The following AKR7A3 variants were observed in gnomAD, a reference collection of about 807,000 sequenced individuals.
The protein encoded by AKR7A3 is AFB1 aldehyde reductase 2.
A neutral mutation model predicts 32.5 loss-of-function variants in AKR7A3; 37 were observed. That is an observed-to-expected ratio of 1.14 (90% CI 0.88 to 1.50). The LOEUF (loss-of-function observed/expected upper bound fraction) is 1.50. Among genes scored for constraint, AKR7A3 ranks in the 40% most tolerant of loss-of-function variants. The pLI is 0.00. For missense variants in AKR7A3, 412 were observed against 453.2 expected, an observed-to-expected ratio of 0.91 and a Z score of 0.83; for synonymous variants, 177 against 188.4, an observed-to-expected ratio of 0.94 and a Z score of 0.50.
chr1:19,287,187 G>A (rs1323768816), intron 1 of AKR7A3, among the ~76,000 whole-genome samples: 1 of 151,328 alleles, frequency 6.6e-6, no homozygotes, highest in Non-Finnish European at 1.5e-5. Flanking sequence ...TACTGTAGTA[G>A]TCCCAGCTAC....
chr1:19,288,574 C>T lies in AKR7A3; in HGVS notation c.136G>A (p.Ala46Thr), dbSNP rs2093735341. Reference protein sequence around the residue: ...LERGHTEIDTAFVYSEGQSET... With the variant: ...LERGHTEIDTTFVYSEGQSET... ...GACTGGCCCTCGCTGTACACGAAGG[C>T]CGTGTCTATCTCGGTGTGGCCGCGC... Residue 46 changes from alanine to threonine, a missense_variant, in exon 1 of 7, where the codon GCC (alanine) becomes ACC (threonine). Transcript: ENST00000361640. 1.2e-6 allele frequency: 2 copies of T among 1,609,054 alleles called. No homozygotes were observed. The highest frequency in any genetic ancestry group is 8.5e-7 in the Non-Finnish European group (1 of 1,178,624).
At position 19,286,329 on chromosome 1, in the gene AKR7A3, CAGGG is replaced by C. The variant is rs530703277; in HGVS notation, c.254_257del (p.Ser85Ter). On this transcript the variant is annotated frameshift_variant, in exon 2 of 7. Transcript: ENST00000361640. LOFTEE classifies it high-confidence loss of function. ...GCTGGAACCGGAGACTGTCAGGCTT[CAGGG>C]AGTTCCCAAACAGTGGAATGGCCTT... 1.5e-5 allele frequency: 25 copies of C among 1,613,908 alleles called. No individual in the cohort carries two copies. The South Asian group carries it at 2.5e-4, about 16-fold the overall frequency.
chr1:19,275,503 A>T, the AKR7A3 span, among the ~76,000 whole-genome samples: 1 of 151,846 alleles, frequency 6.6e-6, no homozygotes, highest in Non-Finnish European at 1.5e-5. Flanking sequence ...CAGACAAAGT[A>T]GGTTTCAAAA....
At chr1:19,274,678 G>A in the AKR7A3 span, among the ~76,000 whole-genome samples, 1 of 151,566 alleles carries the variant, frequency 6.6e-6, no homozygotes, top group East Asian at 1.9e-4. Flanking sequence ...GACTGTGGTG[G>A]TTTACGCCTG....
chr1:19,284,270 G>A, intron 5 of AKR7A3, 145 bp from the exon 6 acceptor site: 8 of 1,221,490 alleles, frequency 6.5e-6, no homozygotes, highest in Non-Finnish European at 8.9e-6. Context: ...CACTTTGCTG[G>A]GCAAGAGAAC....
chr1:19,274,910 A>AAAAAAAAAAAAAAAAAAAAAAAAC, the AKR7A3 span, among the ~76,000 whole-genome samples: 1 of 148,070 alleles, frequency 6.8e-6, no homozygotes, highest in Non-Finnish European at 1.5e-5. Context: ...AAAAAAAAAA[A>AAAAAAAAAAAAAAAAAAAAAAAAC]AAAAAGACCA....
rs1061672 is a variant in AKR7A3 at position 19,282,642 on chromosome 1, G to C, written c.*89C>G. ...TTTGTCCAAATACTTCCATCCCTAA[G>C]AATTTACTGAGGCAGTTCTAAATTA... is the stretch of plus-strand genomic sequence containing the variant. On this transcript the variant is annotated 3_prime_UTR_variant, in exon 7 of 7. Transcript: ENST00000361640. The C allele has an allele frequency of 1.9e-6, 3 of 1,593,512 alleles. No individual in the cohort carries two copies. The East Asian group carries it at 6.8e-5, about 36-fold the overall frequency.
chr1:19,283,298 A>G (rs2093722146), intron 6 of AKR7A3, among the ~76,000 whole-genome samples: 1 of 151,542 alleles, frequency 6.6e-6, no homozygotes, highest in Non-Finnish European at 1.5e-5. Flanking sequence ...CTGGAGTTGG[A>G]TATAAGTGAG....
In AKR7A3 at chr1:19,286,322, C is replaced by T; in HGVS notation, c.265G>A (p.Asp89Asn). 6.2e-7 allele frequency: 1 copy of T among 1,613,950 alleles called. No individual in the cohort carries two copies. The highest frequency in any genetic ancestry group is 1.1e-5 in the South Asian group (1 of 91,076). Residue 89 changes from aspartate (D) to asparagine (N), a missense_variant, in exon 2 of 7, where the codon GAC (aspartate) becomes AAC (asparagine). By Grantham distance (23) the Asp-to-Asn change is conservative. Coordinates refer to ENST00000361640, the MANE Select transcript of AKR7A3 (RefSeq NM_012067.3). Reference protein sequence around the residue: ...IPLFGNSLKPDSLRFQLETSL... With the variant: ...IPLFGNSLKPNSLRFQLETSL... Reference sequence around the variant, plus strand: ...GTCTCCAGCTGGAACCGGAGACTGTCAGGCTTCAGGGAGTTCCCAAACAGT... The same window carrying T: ...GTCTCCAGCTGGAACCGGAGACTGTTAGGCTTCAGGGAGTTCCCAAACAGT...
chr1:19,285,138 G>C (rs1413865825), intron 3 of AKR7A3, 24 bp from the exon 4 acceptor site: 2 of 1,610,536 alleles, frequency 1.2e-6, no homozygotes, highest in Non-Finnish European at 1.7e-6. Flanking sequence ...GGCCCCGGGG[G>C]AGAGGGTGGA....
At chr1:19,288,471 G>C (rs139039977) in intron 1 of AKR7A3, 25 bp downstream of exon 1, 2 of 1,589,562 alleles carry the variant, frequency 1.3e-6, no homozygotes, top group Non-Finnish European at 8.6e-7. Flanking sequence ...CACCGTGCAG[G>C]GGGAGGATCA....
chr1:19,276,100 C>T, the AKR7A3 span, among the ~76,000 whole-genome samples: 4,288 of 151,862 alleles, frequency 0.028, 80 homozygotes, highest in South Asian at 0.053. Context: ...CCGTGGCTCA[C>T]GCCTGTAATC....
At chr1:19,287,853 C>T (rs1030741251) in intron 1 of AKR7A3, among the ~76,000 whole-genome samples, 1 of 152,152 alleles carries the variant, frequency 6.6e-6, no homozygotes, top group Non-Finnish European at 1.5e-5. Context: ...CAATAGCCTC[C>T]GACAGAGCCT....
downstream of AKR7A3, among the ~76,000 whole-genome samples, chr1:19,280,891 T>C (rs2151980463): frequency 6.6e-6 from 1 of 151,946 alleles, no homozygotes; most frequent in East Asian, 1.9e-4. Flanking sequence ...ATTTTCCTTG[T>C]TGAATTGTCT....
intron 3 of AKR7A3, 30 bp downstream of exon 3, chr1:19,285,858 G>A (rs755105388): frequency 6.2e-7 from 1 of 1,612,980 alleles, no homozygotes; most frequent in Non-Finnish European, 8.5e-7. Flanking sequence ...GAGTTCTGGA[G>A]ACCTTGGCCT....
chr1:19,280,568 T>G (rs913081967), downstream of AKR7A3, among the ~76,000 whole-genome samples: 7 of 149,990 alleles, frequency 4.7e-5, no homozygotes, highest in African/African-American at 1.7e-4. Context: ...TTTTCGTTTC[T>G]TTTCTTTTCT....
chr1:19,278,704 T>A (rs1413014335), downstream of AKR7A3, among the ~76,000 whole-genome samples: 1 of 151,900 alleles, frequency 6.6e-6, no homozygotes, highest in Non-Finnish European at 1.5e-5. Context: ...CACAATCAAT[T>A]TCAGAGCATC....
chr1:19,283,959 G>C, intron 6 of AKR7A3, 37 bp downstream of exon 6: 9 of 1,611,942 alleles, frequency 5.6e-6, no homozygotes, highest in Non-Finnish European at 7.6e-6. Context: ...GGTTCCCCTG[G>C]AAGGGAAGAA....
rs2995183 is a variant in AKR7A3, at chr1:19,283,436, G to A, written c.835-544C>T. 1.5e-4 allele frequency among the ~76,000 whole-genome samples: 23 copies of A among 151,834 alleles called. 1 individual carries two copies. The highest frequency in any genetic ancestry group is 2.9e-4 in the African/African-American group (12 of 41,114). ...TAGCTGGGTGAAACTCAGTTTCCTC[G>A]TCAATAACACTGGGATAGTCATTTC... On this transcript the variant is annotated intron_variant, in intron 6 of 6. Coordinates refer to ENST00000361640, the MANE Select transcript of AKR7A3 (RefSeq NM_012067.3).
Sources: allele counts gnomAD v4.1 joint callset (sites outside exome capture counted in the v4.1 genomes callset), GRCh38; gene constraint gnomAD v4.1.1; transcripts MANE v1.5; gene names NCBI Gene and HGNC (gene_info 2026-07-23, HGNC 2026-07-21).